The following MAGI1 variants were observed in gnomAD, a reference collection of about 807,000 sequenced individuals.
MAGI1 encodes the protein membrane-associated guanylate kinase, WW and PDZ domain-containing protein 1.
A neutral mutation model predicts 139.9 loss-of-function variants in MAGI1; 58 were observed. The observed-to-expected ratio is 0.41, with a 90% CI of 0.34 to 0.52. The LOEUF (loss-of-function observed/expected upper bound fraction) is 0.52, where lower values mean the gene tolerates loss of function less well. MAGI1 is among the 20% of genes least tolerant of loss of function. The probability of loss-of-function intolerance (pLI) is 0.12; values close to 1 mark genes in which losing one functional copy is unlikely to be tolerated. For synonymous variants in MAGI1, 812 were observed against 737.9 expected (o/e 1.10, Z -1.63); for missense variants, 1,874 against 1,901.6 (o/e 0.99, Z 0.27).
At chr3:65,362,800 C>A (rs550852973) in intron 21 of MAGI1, among the ~76,000 whole-genome samples, 7 of 152,276 alleles carry the variant, frequency 4.6e-5, no homozygotes, top group African/African-American at 1.4e-4. Flanking sequence ...TGTGACCTAT[C>A]TATGGGTAGA....
Position 65,962,825 on chromosome 3 carries a change from G to T in MAGI1, c.313+75171C>A, listed in dbSNP as rs531798946. Among the ~76,000 whole-genome samples the T allele has an allele frequency of 1.2e-4, 6 of 50,358 alleles. No individual in the cohort carries two copies. In the South Asian group the frequency reaches 8.9e-3, roughly 75 times the overall value. 33.0% of individuals were successfully genotyped at this position (50,358 alleles called of 152,430 possible). ...GGGCAACAGAGCGAGACTCTGTCTC[G>T]GGGGGAAAAAAAAAAAAAAAAAGAA... On this transcript the variant is annotated intron_variant, in intron 1 of 22. Transcript: ENST00000402939.
chr3:65,430,020 T>A lies in MAGI1; in HGVS notation c.1667A>T (p.Tyr556Phe), dbSNP rs1331701656. 5 of 1,613,926 alleles carry A rather than the reference T, an allele frequency of 3.1e-6. No homozygotes were observed. In the South Asian group the frequency reaches 5.5e-5, roughly 18 times the overall value. ...ASVDLELCRG[Y>F]PLPFDPDDPN... ...GTCATCTGGATCAAAAGGCAATGGA[T>A]AACCTCGGCAGAGTTCAAGGTCCAC... Residue 556 changes from tyrosine to phenylalanine, a missense_variant, in exon 12 of 23, where the codon TAT becomes TTT. By Grantham distance (22) the Tyr-to-Phe change is conservative. This residue lies in a region of MAGI1 where 86 missense variants were observed against 130.0 expected (regional missense o/e 0.66). Coordinates refer to ENST00000402939, the MANE Select transcript of MAGI1 (RefSeq NM_001033057.2).
intron 1 of MAGI1, chr3:65,902,712 A>G (rs886621627): frequency 1.3e-5 from 2 of 152,662 alleles, no homozygotes; most frequent in African/African-American, 4.8e-5. Context: ...ACCTGAATGC[A>G]GGAAACTGAG....
chr3:65,756,195 A>G (rs2036546901), intron 1 of MAGI1, among the ~76,000 whole-genome samples: 2 of 150,864 alleles, frequency 1.3e-5, no homozygotes, highest in African/African-American at 4.9e-5. Flanking sequence ...GTAGTTTTCC[A>G]CTTAGTGGAT....
chr3:65,625,791 G>C (rs141677660), intron 1 of MAGI1, among the ~76,000 whole-genome samples: 1 of 152,232 alleles, frequency 6.6e-6, no homozygotes, highest in East Asian at 1.9e-4. Context: ...ACAAAATATA[G>C]ACCTAAGGAG....
intron 1 of MAGI1, among the ~76,000 whole-genome samples, chr3:65,622,688 C>T (rs566388538): frequency 5.9e-5 from 9 of 152,144 alleles, no homozygotes; most frequent in South Asian, 2.1e-4. Flanking sequence ...CTCAGCTTCC[C>T]GAGTAGCTGC....
rs1553646677 is a variant in MAGI1 at position 65,454,735 on chromosome 3, A to AC, written c.960-1396dup. 8.6e-3 allele frequency among the ~76,000 whole-genome samples: 1,291 copies of AC among 149,328 alleles called. 27 individuals are homozygous for AC. Among genetic ancestry groups the AC allele is most frequent in the African/African-American group, 0.029 (1,162 of 40,702 alleles). On this transcript the variant is annotated intron_variant, in intron 5 of 22. Coordinates refer to ENST00000402939, the MANE Select transcript of MAGI1 (RefSeq NM_001033057.2). ...ATCTTATTAATTGTCAAAAAAAAAA[A>AC]CATATGGCTTAAGAGAAAAACAGAA...
At chr3:65,804,457 C>A (rs1318065203) in intron 1 of MAGI1, among the ~76,000 whole-genome samples, 8 of 151,186 alleles carry the variant, frequency 5.3e-5, no homozygotes, top group Non-Finnish European at 1.2e-4. Flanking sequence ...ATATTTATAT[C>A]AATATGTTAT....
chr3:65,404,710 G>A (rs972312712), intron 12 of MAGI1, among the ~76,000 whole-genome samples: 1 of 152,162 alleles, frequency 6.6e-6, no homozygotes, highest in East Asian at 1.9e-4. Flanking sequence ...AAACAGCTGG[G>A]AGACCTAACA....
chr3:65,819,265 G>C (rs145754255), intron 1 of MAGI1, among the ~76,000 whole-genome samples: 238 of 152,240 alleles, frequency 1.6e-3, no homozygotes, highest in African/African-American at 5.4e-3. Flanking sequence ...TGGGCAAAAA[G>C]AGTGAATGAA....
intron 1 of MAGI1, among the ~76,000 whole-genome samples, chr3:65,913,651 T>A (rs2061767186): frequency 6.6e-6 from 1 of 152,200 alleles, no homozygotes; most frequent in Non-Finnish European, 1.5e-5. Context: ...GAGATGCCTT[T>A]CAAATCCCTA....
chr3:65,911,205 G>T (rs1386376461), intron 1 of MAGI1, among the ~76,000 whole-genome samples: 2 of 151,904 alleles, frequency 1.3e-5, no homozygotes, highest in Non-Finnish European at 2.9e-5. Context: ...CCCCATTTCT[G>T]ATAGAAGCAA....
chr3:65,884,719 G>C (rs1300040073), intron 1 of MAGI1, among the ~76,000 whole-genome samples: 1 of 152,028 alleles, frequency 6.6e-6, no homozygotes, highest in Non-Finnish European at 1.5e-5. Flanking sequence ...AATCCCACCA[G>C]GCATTTTTCA....
intron 1 of MAGI1, among the ~76,000 whole-genome samples, chr3:65,936,704 T>C (rs2063070467): frequency 6.6e-6 from 1 of 152,104 alleles, no homozygotes. Flanking sequence ...ACCTTACACC[T>C]TCAAAGTCTC....
At chr3:65,687,543 TAAAC>T (rs1206976937) in intron 1 of MAGI1, 4 of 368,054 alleles carry the variant, frequency 1.1e-5, no homozygotes, top group Non-Finnish European at 1.1e-5. Flanking sequence ...GTGACAAAAA[TAAAC>T]AATGTGATTG....
At chr3:65,991,762 C>CAGAGG (rs2066187751) in intron 1 of MAGI1, among the ~76,000 whole-genome samples, 2 of 152,120 alleles carry the variant, frequency 1.3e-5, no homozygotes, top group African/African-American at 2.4e-5. Flanking sequence ...TGATTGTAAT[C>CAGAGG]CCAGCACTTT....
chr3:65,393,260 C>T (rs992749017), intron 13 of MAGI1, among the ~76,000 whole-genome samples: 1 of 151,930 alleles, frequency 6.6e-6, no homozygotes, highest in Non-Finnish European at 1.5e-5. Context: ...TGCTTTTTTT[C>T]CCCCCCTCTT....
intron 1 of MAGI1, among the ~76,000 whole-genome samples, chr3:65,900,825 C>T (rs2061197333): frequency 6.6e-6 from 1 of 152,176 alleles, no homozygotes; most frequent in Non-Finnish European, 1.5e-5. Context: ...GAATCCTTCT[C>T]CCTGGTATTT....
At chr3:65,883,688 T>G (rs264709) in intron 1 of MAGI1, among the ~76,000 whole-genome samples, 46,562 of 152,136 alleles carry the variant, frequency 0.31, 8,970 homozygotes, top group African/African-American at 0.55. Flanking sequence ...AATGACACCT[T>G]CCTGAATTGC....
Sources: gnomAD v4.1 joint callset for allele counts (sites outside exome capture counted in the v4.1 genomes callset) on GRCh38, gnomAD v4.1.1 for gene constraint, gnomAD v4.1.1 regional missense constraint, MANE v1.5 for transcripts, NCBI Gene and HGNC (gene_info 2026-07-23, HGNC 2026-07-21) for gene names.